The following PITPNC1 variants were observed in gnomAD, a reference collection of about 807,000 sequenced individuals.
PITPNC1 encodes the protein phosphatidylinositol transfer protein cytoplasmic 1, also known as cytoplasmic phosphatidylinositol transfer protein 1.
Under a neutral mutation model 44.7 loss-of-function variants are expected in PITPNC1, and 18 were observed. The observed-to-expected ratio is 0.40, with a 90% CI of 0.28 to 0.60. PITPNC1 has a LOEUF of 0.60. Among genes scored for constraint, PITPNC1 ranks in the 20% least tolerant of loss-of-function variants. PITPNC1 has a pLI of 0.39. For synonymous variants in PITPNC1, 141 were observed against 149.6 expected (o/e 0.94, Z 0.42); for missense variants, 290 against 418.4 (o/e 0.69, Z 2.68).
intron 1 of PITPNC1, chr17:67,408,742 C>T (rs550156444): frequency 4.7e-5 from 7 of 149,400 alleles, no homozygotes; most frequent in Non-Finnish European, 8.9e-5. Flanking sequence ...TTCTTTCTTT[C>T]TCTCTTTCTT....
At chr17:67,506,130 A>G (rs549649422) in intron 1 of PITPNC1, among the ~76,000 whole-genome samples, 1 of 152,168 alleles carries the variant, frequency 6.6e-6, no homozygotes, top group East Asian at 1.9e-4. Flanking sequence ...GATATTACCT[A>G]GGGCTACTGA....
At chr17:67,409,895 A>T (rs1598627499) in intron 1 of PITPNC1, among the ~76,000 whole-genome samples, 1 of 152,134 alleles carries the variant, frequency 6.6e-6, no homozygotes, top group Admixed American at 6.6e-5. Flanking sequence ...ATCTGCCATG[A>T]TGTATTTATT....
intron 1 of PITPNC1, among the ~76,000 whole-genome samples, chr17:67,423,507 T>C (rs1051993031): frequency 2.0e-5 from 3 of 152,178 alleles, no homozygotes; most frequent in Admixed American, 6.5e-5. Context: ...TGATTACTAG[T>C]ATTTTCAACC....
intron 1 of PITPNC1, among the ~76,000 whole-genome samples, chr17:67,466,544 G>A: frequency 6.6e-6 from 1 of 152,146 alleles, no homozygotes; most frequent in East Asian, 1.9e-4. Flanking sequence ...CCAGGTGTTG[G>A]CCTTTTTCTA....
intron 6 of PITPNC1, among the ~76,000 whole-genome samples, chr17:67,641,935 G>A (rs1389862381): frequency 6.6e-6 from 1 of 152,042 alleles, no homozygotes; most frequent in African/African-American, 2.4e-5. Context: ...TATTTTGAGA[G>A]TTGTTCTAAC....
chr17:67,574,467 G>A (rs1272190996), intron 4 of PITPNC1, among the ~76,000 whole-genome samples: 1 of 152,166 alleles, frequency 6.6e-6, no homozygotes, highest in South Asian at 2.1e-4. Flanking sequence ...AAGGGAGAGG[G>A]GAGAAAGGGT....
chr17:67,415,148 G>C (rs1426693360), intron 1 of PITPNC1, among the ~76,000 whole-genome samples: 1 of 152,056 alleles, frequency 6.6e-6, no homozygotes, highest in Non-Finnish European at 1.5e-5. Context: ...TCAAAGTGCT[G>C]GGATTACAGG....
chr17:67,486,486 A>G (rs1157604182), intron 1 of PITPNC1, among the ~76,000 whole-genome samples: 1 of 152,174 alleles, frequency 6.6e-6, no homozygotes, highest in Non-Finnish European at 1.5e-5. Flanking sequence ...GATGGCATTG[A>G]TCGGAGATGG....
chr17:67,619,516 T>C (rs946782620), intron 5 of PITPNC1, among the ~76,000 whole-genome samples: 6 of 151,966 alleles, frequency 3.9e-5, no homozygotes, highest in African/African-American at 1.5e-4. Flanking sequence ...TGCCAATCAC[T>C]CCACCAGGGG....
intron 1 of PITPNC1, among the ~76,000 whole-genome samples, chr17:67,470,399 C>G (rs1396303458): frequency 1.3e-5 from 2 of 152,212 alleles, no homozygotes; most frequent in African/African-American, 4.8e-5. Context: ...TTCTCTCTAC[C>G]CCCCACATTC....
At chr17:67,430,499 C>G (rs112434786) in intron 1 of PITPNC1, among the ~76,000 whole-genome samples, 13,602 of 148,552 alleles carry the variant, frequency 0.092, 658 homozygotes, top group East Asian at 0.17. Context: ...AAAACAAAAA[C>G]AAAAACAAAC....
chr17:67,658,295 C>G (rs2042296763), intron 6 of PITPNC1, among the ~76,000 whole-genome samples: 1 of 152,186 alleles, frequency 6.6e-6, no homozygotes, highest in East Asian at 1.9e-4. Flanking sequence ...TGATTGATCC[C>G]CACCCTTCAC....
intron 1 of PITPNC1, among the ~76,000 whole-genome samples, chr17:67,491,639 GACCAGCTCCAGCA>G: frequency 6.6e-6 from 1 of 152,256 alleles, no homozygotes; most frequent in East Asian, 1.9e-4. Flanking sequence ...AGGAGTCTAA[GACCAGCTCCAGCA>G]ACATAGTAAG....
intron 1 of PITPNC1, among the ~76,000 whole-genome samples, chr17:67,391,607 A>G (rs2143801042): frequency 6.6e-6 from 1 of 152,096 alleles, no homozygotes; most frequent in East Asian, 1.9e-4. Context: ...CAGCATCCCA[A>G]GTAGCTGGGA....
intron 5 of PITPNC1, among the ~76,000 whole-genome samples, chr17:67,596,839 C>A (rs1018778135): frequency 6.6e-6 from 1 of 152,086 alleles, no homozygotes; most frequent in Admixed American, 6.6e-5. Context: ...GCTCTTCCCC[C>A]TTGCTTTTCT....
intron 1 of PITPNC1, among the ~76,000 whole-genome samples, chr17:67,472,658 A>G (rs2039558821): frequency 6.6e-6 from 1 of 151,806 alleles, no homozygotes; most frequent in Non-Finnish European, 1.5e-5. Flanking sequence ...AAAGAAAAAA[A>G]AAAAAAAAGG....
chr17:67,545,982 G>T (rs137855593), intron 2 of PITPNC1, among the ~76,000 whole-genome samples: 1 of 151,920 alleles, frequency 6.6e-6, no homozygotes, highest in South Asian at 2.1e-4. Context: ...GCCCGAGGTG[G>T]GTGGATCAAG....
chr17:67,680,652 G>T (rs2042686476), intron 8 of PITPNC1, among the ~76,000 whole-genome samples: 1 of 151,970 alleles, frequency 6.6e-6, no homozygotes, highest in African/African-American at 2.4e-5. Flanking sequence ...GATCTTAGTG[G>T]TCTGAATTAT....
chr17:67,495,040 G>GTTTTTTTTTTTTTTTTTTTTTTT lies in PITPNC1; in HGVS notation c.49-37751_49-37750insTTTTTTTTTTTTTTTTTTTTTTT, dbSNP rs879366971. Among the ~76,000 whole-genome samples, 27 of 64,720 alleles carry GTTTTTTTTTTTTTTTTTTTTTTT rather than the reference G, an allele frequency of 4.2e-4. 6 individuals carry two copies. Among genetic ancestry groups the GTTTTTTTTTTTTTTTTTTTTTTT allele is most frequent in the Middle Eastern group, 0.014 (1 of 74 alleles). 42.5% of individuals were successfully genotyped at this position (64,720 alleles called of 152,430 possible). On this transcript the variant is annotated intron_variant, in intron 1 of 8. Transcript: ENST00000581322. The stretch of plus-strand genomic sequence containing the variant: ...TTTGGCAATATTGAGCCATGGAGTT[G>GTTTTTTTTTTTTTTTTTTTTTTT]TTTTTTTTTTTGTTTTTTTTTTTTT...
Sources: gnomAD v4.1 joint callset for allele counts (sites outside exome capture counted in the v4.1 genomes callset) on GRCh38, gnomAD v4.1.1 for gene constraint, MANE v1.5 for transcripts, NCBI Gene and HGNC (gene_info 2026-07-23, HGNC 2026-07-21) for gene names.